The following SPAG16 variants were observed in gnomAD, a reference collection of about 807,000 sequenced individuals.
SPAG16 encodes the protein sperm-associated antigen 16 protein.
In SPAG16, 86 loss-of-function variants were observed where a neutral mutation model predicts 80.4. The observed-to-expected ratio is 1.07, with a 90% CI of 0.90 to 1.28. The LOEUF is 1.28. Ranked by LOEUF, SPAG16 falls within the 50% of genes most tolerant of loss-of-function variation. The pLI is 0.00. For missense variants in SPAG16, 870 were observed against 765.3 expected (o/e 1.14, Z -1.61); for synonymous variants, 294 against 265.9 (o/e 1.11, Z -1.03).
intron 10 of SPAG16, among the ~76,000 whole-genome samples, chr2:213,644,026 C>G (rs972077213): frequency 2.0e-5 from 3 of 151,030 alleles, no homozygotes; most frequent in Non-Finnish European, 4.4e-5. Flanking sequence ...GGTGATCCAC[C>G]CTCCTCAGCC....
At chr2:213,999,663 T>C (rs1168742997) in intron 12 of SPAG16, among the ~76,000 whole-genome samples, 1 of 152,162 alleles carries the variant, frequency 6.6e-6, no homozygotes, top group Non-Finnish European at 1.5e-5. Flanking sequence ...CCTGGCAAAG[T>C]CACAGACACT....
At chr2:213,385,149 T>A (rs2125260148) in intron 9 of SPAG16, among the ~76,000 whole-genome samples, 1 of 152,306 alleles carries the variant, frequency 6.6e-6, no homozygotes, top group East Asian at 1.9e-4. Context: ...CCGGTGGACA[T>A]GGTTATCTCA....
At chr2:214,139,700 C>G (rs2055249765) in intron 14 of SPAG16, among the ~76,000 whole-genome samples, 1 of 152,076 alleles carries the variant, frequency 6.6e-6, no homozygotes, top group South Asian at 2.1e-4. Context: ...TCTTCCTGCT[C>G]AAATTCCTTT....
intron 12 of SPAG16, among the ~76,000 whole-genome samples, chr2:213,970,664 G>A (rs896104797): frequency 6.6e-6 from 1 of 152,124 alleles, no homozygotes; most frequent in African/African-American, 2.4e-5. Flanking sequence ...ATGTTCTGTA[G>A]GCATACCTTT....
chr2:213,352,415 C>T (rs567041558), intron 7 of SPAG16, among the ~76,000 whole-genome samples: 1 of 152,298 alleles, frequency 6.6e-6, no homozygotes, highest in Non-Finnish European at 1.5e-5. Flanking sequence ...AGATTCAGAT[C>T]TCTTCCTATT....
intron 10 of SPAG16, among the ~76,000 whole-genome samples, chr2:213,615,828 A>G (rs1490914344): frequency 6.6e-6 from 1 of 152,014 alleles, no homozygotes; most frequent in Non-Finnish European, 1.5e-5. Flanking sequence ...ATTATGTTAT[A>G]GGGTTTACAA....
chr2:213,743,065 G>A (rs936862498), intron 10 of SPAG16, among the ~76,000 whole-genome samples: 1 of 145,712 alleles, frequency 6.9e-6, no homozygotes, highest in African/African-American at 2.4e-5. Flanking sequence ...CACCACGCCC[G>A]GCTAATTTTT....
At chr2:214,027,938 T>A (rs2048218411) in intron 13 of SPAG16, among the ~76,000 whole-genome samples, 1 of 151,948 alleles carries the variant, frequency 6.6e-6, no homozygotes, top group Non-Finnish European at 1.5e-5. Context: ...CTTAAAGGTA[T>A]AATATATGAC....
At chr2:213,821,622 ATGT>A (rs1291221708) in intron 10 of SPAG16, among the ~76,000 whole-genome samples, 2 of 152,182 alleles carry the variant, frequency 1.3e-5, no homozygotes, top group Non-Finnish European at 2.9e-5. Context: ...TGTAGTCACC[ATGT>A]TGTGTTATCA....
At chr2:213,489,822 C>A in intron 9 of SPAG16, 141 bp from the exon 10 acceptor site, 2 of 582,660 alleles carry the variant, frequency 3.4e-6, no homozygotes, top group Non-Finnish European at 5.3e-6. Context: ...TTTCTCAAAA[C>A]TAAAATTGGA....
chr2:213,884,663 C>A (rs1157819767), intron 11 of SPAG16, among the ~76,000 whole-genome samples: 5 of 152,102 alleles, frequency 3.3e-5, no homozygotes. Flanking sequence ...ATTATATAAA[C>A]CCATATTTCT....
chr2:214,073,204 TAA>T (rs986003288), intron 13 of SPAG16, among the ~76,000 whole-genome samples: 13 of 150,248 alleles, frequency 8.7e-5, no homozygotes, highest in African/African-American at 2.9e-4. Context: ...TGCTAAAAAC[TAA>T]AAAATATTAT....
chr2:213,440,907 T>C (rs1341554420), intron 9 of SPAG16, among the ~76,000 whole-genome samples: 1 of 152,196 alleles, frequency 6.6e-6, no homozygotes, highest in African/African-American at 2.4e-5. Flanking sequence ...GGTTGCATTA[T>C]AACTTAGAAA....
At chr2:214,196,835 T>C (rs1233662392) in intron 15 of SPAG16, among the ~76,000 whole-genome samples, 6 of 151,994 alleles carry the variant, frequency 3.9e-5, no homozygotes, top group Non-Finnish European at 8.8e-5. Flanking sequence ...CTGAATCATA[T>C]AGCACAATAT....
At chr2:214,083,323 A>T (rs888330828) in intron 13 of SPAG16, among the ~76,000 whole-genome samples, 1 of 152,120 alleles carries the variant, frequency 6.6e-6, no homozygotes, top group South Asian at 2.1e-4. Flanking sequence ...ACCTGTGGGT[A>T]TATGGATCAG....
intron 15 of SPAG16, among the ~76,000 whole-genome samples, chr2:214,350,584 A>G (rs899913472): frequency 3.3e-5 from 5 of 152,204 alleles, no homozygotes; most frequent in Middle Eastern, 3.2e-3. Context: ...CAGGAAAAGA[A>G]AAAGAAGCCT....
chr2:213,363,936 G>A (rs1004766951), intron 7 of SPAG16, 140 bp from the exon 8 acceptor site: 8 of 320,806 alleles, frequency 2.5e-5, no homozygotes, highest in African/African-American at 1.7e-4. Context: ...TAAAATTTAT[G>A]TTTTATTAAA....
chr2:214,231,380 G>C (rs1688691137), intron 15 of SPAG16, among the ~76,000 whole-genome samples: 1 of 151,880 alleles, frequency 6.6e-6, no homozygotes, highest in South Asian at 2.1e-4. Context: ...ATATGAAGTA[G>C]TATTTATTCG....
chr2:213,717,411 C>A (rs922241902), intron 10 of SPAG16, among the ~76,000 whole-genome samples: 2 of 152,100 alleles, frequency 1.3e-5, no homozygotes, highest in African/African-American at 2.4e-5. Context: ...CCGCCCGCCT[C>A]AGCTTCCCAA....
Sources: gnomAD v4.1 joint callset for allele counts (sites outside exome capture counted in the v4.1 genomes callset) on GRCh38, gnomAD v4.1.1 for gene constraint, MANE v1.5 for transcripts, NCBI Gene and HGNC (gene_info 2026-07-23, HGNC 2026-07-21) for gene names.